The following TMEM117 variants were observed in gnomAD, a reference collection of about 807,000 sequenced individuals.
TMEM117 encodes transmembrane protein 117.
A neutral mutation model predicts 52.4 loss-of-function variants in TMEM117; 27 were observed. That is an observed-to-expected ratio of 0.51 (90% CI 0.38 to 0.71). The LOEUF (loss-of-function observed/expected upper bound fraction) is 0.71, where lower values mean the gene tolerates loss of function less well. TMEM117 is among the 30% of genes least tolerant of loss of function. The pLI, the probability that TMEM117 is intolerant of heterozygous loss-of-function variation, is 0.00. For synonymous variants in TMEM117, 215 were observed against 206.3 expected (o/e 1.04, Z -0.36); for missense variants, 556 against 630.5 (o/e 0.88, Z 1.26).
intron 3 of TMEM117, among the ~76,000 whole-genome samples, chr12:43,974,496 T>G (rs1200240886): frequency 6.6e-6 from 1 of 152,184 alleles, no homozygotes; most frequent in African/African-American, 2.4e-5. Flanking sequence ...TCTTGTTTCT[T>G]TCACATGTTT....
chr12:44,338,505 G>A (rs911831645), intron 6 of TMEM117, among the ~76,000 whole-genome samples: 2 of 151,652 alleles, frequency 1.3e-5, no homozygotes, highest in Non-Finnish European at 2.9e-5. Context: ...AAAGATGGTG[G>A]AAAATAGGCC....
At chr12:44,373,432 C>T (rs1168828903) in intron 6 of TMEM117, among the ~76,000 whole-genome samples, 2 of 152,244 alleles carry the variant, frequency 1.3e-5, no homozygotes, top group African/African-American at 4.8e-5. Flanking sequence ...ACACGACTTT[C>T]TTCCTTTTTC....
Position 44,047,803 on chromosome 12 carries a change from G to A in TMEM117, c.411-95722G>A, listed in dbSNP as rs573314315. On this transcript the variant is annotated intron_variant, in intron 3 of 7. Transcript: ENST00000266534. ...GGCTGATATTTTGTTTAGGATTTTT[G>A]CATTTATGTTCATAAGTGAAACTGA... 6.6e-5 allele frequency among the ~76,000 whole-genome samples: 10 copies of A among 152,054 alleles called. No individual in the cohort carries two copies. The South Asian group carries it at 2.1e-3, about 32-fold the overall frequency.
At chr12:43,949,604 G>C (rs547614469) in intron 3 of TMEM117, among the ~76,000 whole-genome samples, 1 of 152,296 alleles carries the variant, frequency 6.6e-6, no homozygotes, top group South Asian at 2.1e-4. Context: ...ATCACCAAGA[G>C]TTTGCTATCT....
intron 2 of TMEM117, among the ~76,000 whole-genome samples, chr12:43,916,309 G>T (rs1944602040): frequency 6.6e-6 from 1 of 152,118 alleles, no homozygotes; most frequent in Non-Finnish European, 1.5e-5. Context: ...ACGTTGTGTA[G>T]AATTTAGAAA....
intron 4 of TMEM117, among the ~76,000 whole-genome samples, chr12:44,164,107 C>T (rs553111567): frequency 4.0e-4 from 61 of 152,052 alleles, no homozygotes; most frequent in African/African-American, 1.4e-3. Flanking sequence ...AAGACTATAC[C>T]GTGGAATAAG....
At chr12:43,874,717 T>C (rs1008777168) in intron 2 of TMEM117, among the ~76,000 whole-genome samples, 3 of 152,262 alleles carry the variant, frequency 2.0e-5, no homozygotes, top group African/African-American at 7.2e-5. Context: ...TTTAGCATTC[T>C]TTTTAATTTG....
intron 6 of TMEM117, among the ~76,000 whole-genome samples, chr12:44,365,603 A>T (rs1951779191): frequency 1.3e-5 from 2 of 152,068 alleles, no homozygotes. Flanking sequence ...AATTAAGAAA[A>T]ATCCTACCTA....
At chr12:43,895,719 C>T (rs1944189361) in intron 2 of TMEM117, among the ~76,000 whole-genome samples, 1 of 152,176 alleles carries the variant, frequency 6.6e-6, no homozygotes, top group Non-Finnish European at 1.5e-5. Context: ...AATTTAGTCT[C>T]TTTGTTTCCA....
At chr12:44,035,528 G>A (rs1450071744) in intron 3 of TMEM117, among the ~76,000 whole-genome samples, 1 of 152,196 alleles carries the variant, frequency 6.6e-6, no homozygotes, top group African/African-American at 2.4e-5. Context: ...AGAATTGACT[G>A]ACTGAATAAA....
chr12:44,323,841 T>C (rs1380588520), intron 6 of TMEM117, among the ~76,000 whole-genome samples: 1 of 152,134 alleles, frequency 6.6e-6, no homozygotes, highest in Admixed American at 6.6e-5. Flanking sequence ...TCTATATTTA[T>C]AAATGAGGTG....
chr12:44,284,006 G>T (rs1950608478), intron 5 of TMEM117, among the ~76,000 whole-genome samples: 1 of 151,984 alleles, frequency 6.6e-6, no homozygotes, highest in South Asian at 2.1e-4. Context: ...TTTTTCTCTT[G>T]CTGGGGCCAT....
At chr12:43,810,474 G>T in the TMEM117 span, among the ~76,000 whole-genome samples, 23 of 152,134 alleles carry the variant, frequency 1.5e-4, no homozygotes, top group African/African-American at 5.3e-4. Context: ...TTCTGTAATC[G>T]CAACACAGGC....
intron 3 of TMEM117, among the ~76,000 whole-genome samples, chr12:44,142,758 G>A (rs968195753): frequency 2.6e-5 from 4 of 152,126 alleles, no homozygotes; most frequent in East Asian, 1.9e-4. Flanking sequence ...TTAGTTATAT[G>A]ATATGAATAG....
intron 3 of TMEM117, among the ~76,000 whole-genome samples, chr12:44,068,792 G>A (rs1300207165): frequency 6.6e-6 from 1 of 152,220 alleles, no homozygotes; most frequent in Non-Finnish European, 1.5e-5. Context: ...TGGGAAAACA[G>A]TGCTGACAGA....
intron 3 of TMEM117, among the ~76,000 whole-genome samples, chr12:44,003,507 T>A (rs1946147544): frequency 6.6e-6 from 1 of 152,172 alleles, no homozygotes; most frequent in South Asian, 2.1e-4. Context: ...GCTCAGCCCA[T>A]CTTCTCTGGG....
At chr12:44,191,207 AACTC>A in intron 4 of TMEM117, among the ~76,000 whole-genome samples, 1 of 152,076 alleles carries the variant, frequency 6.6e-6, no homozygotes, top group Non-Finnish European at 1.5e-5. Context: ...CTTGAGAATT[AACTC>A]ACTATCACGA....
rs558560442 is a variant in TMEM117 at position 43,884,981 on chromosome 12, A to G, written c.277+40053A>G. On this transcript the variant is annotated intron_variant, in intron 2 of 7. Transcript: ENST00000266534. ...CTGACTTGCCCATGGCACGCTCGCAACGTATTTTCATACTTTCTGCTTTCT... is the reference window on the plus strand; with the variant it reads ...CTGACTTGCCCATGGCACGCTCGCAGCGTATTTTCATACTTTCTGCTTTCT... Among the ~76,000 whole-genome samples, 11 of 152,324 alleles carry G rather than the reference A, an allele frequency of 7.2e-5. No individual in the cohort carries two copies. In the Middle Eastern group the frequency reaches 0.02, roughly 283 times the overall value.
chr12:44,339,543 G>A (rs1411794677), intron 6 of TMEM117, among the ~76,000 whole-genome samples: 1 of 151,888 alleles, frequency 6.6e-6, no homozygotes, highest in Middle Eastern at 3.2e-3. Flanking sequence ...GAAAAATTAG[G>A]TTTCAGAAAG....
Sources: allele counts gnomAD v4.1 joint callset (sites outside exome capture counted in the v4.1 genomes callset), GRCh38; gene constraint gnomAD v4.1.1; transcripts MANE v1.5; gene names NCBI Gene and HGNC (gene_info 2026-07-23, HGNC 2026-07-21).